HTR1F: variants seen among roughly 807,000 people sequenced by gnomAD.
HTR1F encodes the protein 5-hydroxytryptamine (serotonin) receptor 1F, G protein-coupled.
Under a neutral mutation model 24.0 loss-of-function variants are expected in HTR1F, and 17 were observed. The observed-to-expected ratio is 0.71, with a 90% confidence interval of 0.48 to 1.06. The LOEUF is 1.06. Ranked by LOEUF, HTR1F falls within the 50% of genes least tolerant of loss-of-function variation. The probability of loss-of-function intolerance (pLI) is 0.00; values close to 1 mark genes in which losing one functional copy is unlikely to be tolerated. For missense variants in HTR1F, 391 were observed against 427.8 expected (o/e 0.91, Z 0.76); for synonymous variants, 186 against 156.8 (o/e 1.19, Z -1.39).
At chr3:87,847,580 T>C (rs1704974245) in intron 2 of HTR1F, among the ~76,000 whole-genome samples, 1 of 151,844 alleles carries the variant, frequency 6.6e-6, no homozygotes, top group Non-Finnish European at 1.5e-5. Context: ...GAAATATACA[T>C]AATATTATTG....
At chr3:87,831,511 G>T (rs1041378847) in intron 2 of HTR1F, among the ~76,000 whole-genome samples, 25 of 151,470 alleles carry the variant, frequency 1.7e-4, no homozygotes, top group South Asian at 8.3e-4. Context: ...TACAGGCGCC[G>T]GCCACCACGC....
intron 1 of HTR1F, among the ~76,000 whole-genome samples, chr3:87,819,592 T>C (rs1704315334): frequency 6.6e-6 from 1 of 152,120 alleles, no homozygotes; most frequent in African/African-American, 2.4e-5. Flanking sequence ...ATTTTTCTGC[T>C]TATTTTCACA....
At chr3:87,853,709 A>G (rs1158805875) in intron 2 of HTR1F, among the ~76,000 whole-genome samples, 1 of 152,084 alleles carries the variant, frequency 6.6e-6, no homozygotes, top group Non-Finnish European at 1.5e-5. Context: ...TTTCCTCTGC[A>G]ACGTTGCCAA....
intron 2 of HTR1F, among the ~76,000 whole-genome samples, chr3:87,903,248 T>C (rs1462956936): frequency 6.7e-6 from 1 of 149,306 alleles, no homozygotes; most frequent in Non-Finnish European, 1.5e-5. Context: ...CCAAAAGCAA[T>C]GGCAACAAAA....
intron 2 of HTR1F, among the ~76,000 whole-genome samples, chr3:87,832,629 G>T (rs961985866): frequency 2.0e-5 from 3 of 152,100 alleles, no homozygotes; most frequent in African/African-American, 7.2e-5. Context: ...CGCCCAGCCA[G>T]AATACCCCTT....
chr3:87,816,247 G>C (rs1347074070), intron 1 of HTR1F, among the ~76,000 whole-genome samples: 1 of 151,966 alleles, frequency 6.6e-6, no homozygotes, highest in Non-Finnish European at 1.5e-5. Context: ...GGCAGCATTT[G>C]ACCATGACTT....
chr3:87,864,733 T>C (rs111648563), intron 2 of HTR1F, among the ~76,000 whole-genome samples: 11,806 of 151,830 alleles, frequency 0.078, 539 homozygotes, highest in East Asian at 0.16. Context: ...CCGTCTCTAC[T>C]AAAAATACAA....
intron 2 of HTR1F, among the ~76,000 whole-genome samples, chr3:87,912,325 TA>T (rs1330050290): frequency 2.0e-5 from 3 of 151,628 alleles, no homozygotes; most frequent in Non-Finnish European, 2.9e-5. Context: ...TCACAATTGC[TA>T]AAAAAAGGAT....
intron 2 of HTR1F, among the ~76,000 whole-genome samples, chr3:87,937,521 C>A (rs1433034381): frequency 6.6e-6 from 1 of 152,140 alleles, no homozygotes; most frequent in Non-Finnish European, 1.5e-5. Flanking sequence ...ACCAAATGGG[C>A]AAAAGCTGGA....
intron 2 of HTR1F, among the ~76,000 whole-genome samples, chr3:87,922,576 A>C (rs1421501411): frequency 6.6e-6 from 1 of 151,854 alleles, no homozygotes; most frequent in African/African-American, 2.4e-5. Context: ...TCTTATTTAT[A>C]AAATTTATAA....
At chr3:87,896,163 C>G (rs1485752161) in intron 2 of HTR1F, among the ~76,000 whole-genome samples, 1 of 152,090 alleles carries the variant, frequency 6.6e-6, no homozygotes, top group Non-Finnish European at 1.5e-5. Flanking sequence ...AACAGGGACC[C>G]CTCTGACTAT....
At chr3:87,876,619 G>T (rs56022330) in intron 2 of HTR1F, among the ~76,000 whole-genome samples, 1 of 152,034 alleles carries the variant, frequency 6.6e-6, no homozygotes, top group African/African-American at 2.4e-5. Flanking sequence ...ACTTATAGGC[G>T]TCATAAAAAA....
chr3:87,991,925 A>T lies in HTR1F; in HGVS notation c.*75A>T. The T allele has an allele frequency of 1.6e-6, 2 of 1,279,746 alleles. No homozygotes were observed. Among genetic ancestry groups the T allele is most frequent in the East Asian group, 4.7e-5 (2 of 42,160 alleles). 79.3% of individuals were successfully genotyped at this position (1,279,746 alleles called of 1,614,324 possible). On this transcript the variant is annotated 3_prime_UTR_variant, in exon 3 of 3. Coordinates refer to ENST00000319595, the MANE Select transcript of HTR1F (RefSeq NM_001322209.2). ...AACTAGATGAATGCCAAATAATAAA[A>T]CACTTAAGCTTTTAGAGGGAAATAC...
chr3:87,867,343 A>G (rs1705451601), intron 2 of HTR1F, among the ~76,000 whole-genome samples: 2 of 151,040 alleles, frequency 1.3e-5, no homozygotes, highest in Admixed American at 6.6e-5. Flanking sequence ...GTTCTATCTT[A>G]CCTTTCTCTT....
At chr3:87,934,383 G>C (rs1321357356) in intron 2 of HTR1F, among the ~76,000 whole-genome samples, 11 of 152,078 alleles carry the variant, frequency 7.2e-5, no homozygotes, top group Non-Finnish European at 1.6e-4. Flanking sequence ...CCATATCTAT[G>C]ACTCTCCATG....
At chr3:87,894,241 T>C (rs1706149198) in intron 2 of HTR1F, among the ~76,000 whole-genome samples, 1 of 152,116 alleles carries the variant, frequency 6.6e-6, no homozygotes, top group African/African-American at 2.4e-5. Context: ...TGCATCCTCA[T>C]AGCTTAGCTC....
chr3:87,898,365 C>T (rs771344119), intron 2 of HTR1F, among the ~76,000 whole-genome samples: 27 of 151,978 alleles, frequency 1.8e-4, no homozygotes, highest in African/African-American at 5.3e-4. Context: ...TCTCTTGAGG[C>T]CTTGGGTAGG....
At chr3:87,928,381 G>T (rs969154563) in intron 2 of HTR1F, among the ~76,000 whole-genome samples, 25 of 152,088 alleles carry the variant, frequency 1.6e-4, no homozygotes, top group African/African-American at 5.3e-4. Context: ...TTTCACAAAT[G>T]AAATTTGTGA....
chr3:87,866,175 G>C (rs1705422412), intron 2 of HTR1F, among the ~76,000 whole-genome samples: 1 of 152,154 alleles, frequency 6.6e-6, no homozygotes, highest in East Asian at 1.9e-4. Flanking sequence ...TCCTAAGAAA[G>C]TGTCAAATAA....
Sources: allele counts gnomAD v4.1 joint callset (sites outside exome capture counted in the v4.1 genomes callset), GRCh38; gene constraint gnomAD v4.1.1; transcripts MANE v1.5; gene names NCBI Gene and HGNC (gene_info 2026-07-23, HGNC 2026-07-21).